The following SND1 variants were observed in gnomAD, a reference collection of about 807,000 sequenced individuals.
SND1 encodes staphylococcal nuclease and tudor domain containing 1, also known as staphylococcal nuclease domain-containing protein 1.
A neutral mutation model predicts 121.7 loss-of-function variants in SND1; 38 were observed. The ratio of observed to expected loss-of-function variants is 0.31; its 90% confidence interval spans 0.24 to 0.41. The LOEUF (loss-of-function observed/expected upper bound fraction) is 0.41, where lower values mean the gene tolerates loss of function less well. Among genes scored for constraint, SND1 ranks in the 10% least tolerant of loss-of-function variants. The pLI, the probability that SND1 is intolerant of heterozygous loss-of-function variation, is 1.00. For missense variants in SND1, 868 were observed against 1,184.6 expected, an observed-to-expected ratio of 0.73 and a Z score of 3.92; for synonymous variants, 401 against 447.4, an observed-to-expected ratio of 0.90 and a Z score of 1.31.
intron 16 of SND1, among the ~76,000 whole-genome samples, chr7:128,002,089 C>G (rs1802847744): frequency 3.3e-5 from 5 of 152,182 alleles, no homozygotes; most frequent in Non-Finnish European, 4.4e-5. Flanking sequence ...ACAACCCTCC[C>G]AGTGCTCTTC....
intron 1 of SND1, 72 bp from the exon 2 acceptor site, chr7:127,686,541 G>C: frequency 6.7e-7 from 1 of 1,494,842 alleles, no homozygotes; most frequent in Non-Finnish European, 9.1e-7. Flanking sequence ...TTGGGGATAC[G>C]GTGGTACACA....
At chr7:127,675,313 G>A (rs972194043) in intron 1 of SND1, among the ~76,000 whole-genome samples, 16 of 152,084 alleles carry the variant, frequency 1.1e-4, no homozygotes, top group African/African-American at 3.9e-4. Flanking sequence ...CCATCAGAAT[G>A]TTATATTTAT....
At chr7:127,701,121 T>A (rs1225271720) in intron 4 of SND1, 42 bp from the exon 5 acceptor site, 1 of 1,603,332 alleles carries the variant, frequency 6.2e-7, no homozygotes, top group East Asian at 2.2e-5. Flanking sequence ...TATTTCTGTT[T>A]GTGAACTCAC....
At chr7:127,998,743 T>C (rs1192774702) in intron 16 of SND1, 1 of 152,036 alleles carries the variant, frequency 6.6e-6, no homozygotes, top group African/African-American at 2.4e-5. Flanking sequence ...AAAGTGGAGG[T>C]AGAAATGTAC....
intron 18 of SND1, among the ~76,000 whole-genome samples, chr7:128,084,447 G>A (rs1385521170): frequency 2.0e-5 from 3 of 152,214 alleles, no homozygotes; most frequent in Non-Finnish European, 2.9e-5. Context: ...CCACACCCTG[G>A]GCCAGCAGAC....
chr7:128,078,271 G>A (rs1584776822), intron 17 of SND1, among the ~76,000 whole-genome samples: 1 of 152,220 alleles, frequency 6.6e-6, no homozygotes. Context: ...GGAACAGCTG[G>A]TCACCTCCAT....
intron 15 of SND1, among the ~76,000 whole-genome samples, chr7:127,956,628 A>T (rs539194267): frequency 3.3e-5 from 5 of 152,184 alleles, no homozygotes; most frequent in African/African-American, 1.2e-4. Flanking sequence ...ACTGCCAATG[A>T]TTATTATTGG....
intron 14 of SND1, among the ~76,000 whole-genome samples, chr7:127,922,189 T>TG (rs1800725741): frequency 4.2e-5 from 4 of 95,460 alleles, no homozygotes; most frequent in Admixed American, 3.2e-4. Context: ...TTTTTTTTTT[T>TG]TTTTTTTTTT....
intron 10 of SND1, among the ~76,000 whole-genome samples, chr7:127,738,509 C>T (rs1452927046): frequency 6.6e-6 from 1 of 151,988 alleles, no homozygotes; most frequent in Non-Finnish European, 1.5e-5. Context: ...GAACTCCTGA[C>T]CTCAGGTGAT....
chr7:127,684,496 G>A (rs1348903544), intron 1 of SND1, among the ~76,000 whole-genome samples: 1 of 152,206 alleles, frequency 6.6e-6, no homozygotes, highest in East Asian at 1.9e-4. Context: ...AGAAAGAATT[G>A]AATATAAATG....
chr7:127,945,359 C>T (rs1225870481), intron 15 of SND1, among the ~76,000 whole-genome samples: 5 of 152,026 alleles, frequency 3.3e-5, no homozygotes, highest in African/African-American at 7.3e-5. Context: ...GACATGGTGG[C>T]GGGCACCTGT....
intron 12 of SND1, among the ~76,000 whole-genome samples, chr7:127,882,519 C>A (rs1423151745): frequency 2.0e-5 from 3 of 151,920 alleles, no homozygotes. Context: ...TTTTCCTAGC[C>A]AAGTTTTCCC....
intron 1 of SND1, among the ~76,000 whole-genome samples, chr7:127,682,392 C>T (rs1389851523): frequency 6.6e-6 from 1 of 152,172 alleles, no homozygotes; most frequent in Non-Finnish European, 1.5e-5. Context: ...CCTTTATTGG[C>T]AGAACTGAGA....
chr7:127,841,178 G>A (rs1321792094), intron 11 of SND1, among the ~76,000 whole-genome samples: 5 of 152,102 alleles, frequency 3.3e-5, no homozygotes, highest in Admixed American at 2.6e-4. Context: ...ATGTTCCTCT[G>A]TGCTAAACAG....
chr7:127,680,262 C>T (rs967009578), intron 1 of SND1, among the ~76,000 whole-genome samples: 1 of 152,084 alleles, frequency 6.6e-6, no homozygotes, highest in Non-Finnish European at 1.5e-5. Flanking sequence ...GACCACAGGA[C>T]TGGGGCGAAA....
chr7:127,713,746 A>G (rs1411892163), intron 9 of SND1, among the ~76,000 whole-genome samples: 1 of 152,244 alleles, frequency 6.6e-6, no homozygotes, highest in African/African-American at 2.4e-5. Context: ...AACTTGACAA[A>G]GTATTCTCTG....
intron 16 of SND1, among the ~76,000 whole-genome samples, chr7:128,071,307 T>A (rs1415197779): frequency 6.6e-6 from 1 of 152,222 alleles, no homozygotes; most frequent in Non-Finnish European, 1.5e-5. Context: ...ATGAAAATAT[T>A]GTGACCAGAG....
At chr7:127,953,552 G>A (rs574610903) in intron 15 of SND1, among the ~76,000 whole-genome samples, 5 of 152,160 alleles carry the variant, frequency 3.3e-5, no homozygotes, top group Middle Eastern at 3.4e-3. Flanking sequence ...CTCTGTGTTC[G>A]TGGCTTTTAT....
intron 10 of SND1, among the ~76,000 whole-genome samples, chr7:127,732,572 C>T (rs541110047): frequency 6.6e-6 from 1 of 152,332 alleles, no homozygotes; most frequent in Admixed American, 6.5e-5. Context: ...GCTTTGGGTT[C>T]AGCCAGAAAG....
Sources: allele counts gnomAD v4.1 joint callset (sites outside exome capture counted in the v4.1 genomes callset), GRCh38; gene constraint gnomAD v4.1.1; transcripts MANE v1.5; gene names NCBI Gene and HGNC (gene_info 2026-07-23, HGNC 2026-07-21).